DNAH1: variants seen among roughly 807,000 people sequenced by gnomAD.
DNAH1 encodes the protein axonemal beta dynein heavy chain 1.
A neutral mutation model predicts 484.3 loss-of-function variants in DNAH1; 327 were observed. The observed-to-expected ratio is 0.68, with a 90% CI of 0.62 to 0.74. DNAH1 has a LOEUF of 0.74. Among genes scored for constraint, DNAH1 ranks in the 30% least tolerant of loss-of-function variants. The pLI is 0.00. For synonymous variants in DNAH1, 2,192 were observed against 2,191.9 expected (o/e 1.00, Z 0.00); for missense variants, 5,052 against 5,546.8 (o/e 0.91, Z 2.83).
Position 52,386,259 on chromosome 3 carries a change from GC to G in DNAH1, c.8728del (p.Gln2910ArgfsTer26), listed in dbSNP as rs1441061586. Reference sequence around the variant, plus strand: ...GAAGGCACAAGCTATTGCTGACGATGCCCAGAAGGACCTGGACGAGGCGTTG... The same window carrying G: ...GAAGGCACAAGCTATTGCTGACGATGCCAGAAGGACCTGGACGAGGCGTTG... Reference protein sequence around the residue: ...AKKAQAIADDAQKDLDEALPA... With the variant: ...AKKAQAIADDXQKDLDEALPA... On this transcript the variant is annotated frameshift_variant, in exon 55 of 78. Transcript: ENST00000420323. LOFTEE classifies it high-confidence loss of function. 6.2e-7 allele frequency: 1 copy of G among 1,612,572 alleles called. No homozygotes were observed. The highest frequency in any genetic ancestry group is 2.2e-5 in the East Asian group (1 of 44,832).
In DNAH1 at chr3:52,394,518, T is replaced by G; in HGVS notation, c.10680T>G (p.Asn3560Lys). ...GCTCCATCTCGATCATGACTGAGAATCCGGCACCGGACTGGCTGTCAGACC... is the reference window on the plus strand; with the variant it reads ...GCTCCATCTCGATCATGACTGAGAAGCCGGCACCGGACTGGCTGTCAGACC... ...SGGSISIMTE[N>K]PAPDWLSDRA... Residue 3560 changes from asparagine to lysine, a missense_variant, in exon 67 of 78, where the codon AAT (asparagine) becomes AAG (lysine). Asn to Lys is a moderately conservative substitution (Grantham distance 94, BLOSUM62 0). Coordinates refer to ENST00000420323, the MANE Select transcript of DNAH1 (RefSeq NM_015512.5). 6.2e-7 allele frequency: 1 copy of G among 1,613,992 alleles called. No individual in the cohort carries two copies. The highest frequency in any genetic ancestry group is 8.5e-7 in the Non-Finnish European group (1 of 1,179,866).
At chr3:52,365,110 C>A in intron 34 of DNAH1, 91 bp downstream of exon 34, 1 of 1,484,404 alleles carries the variant, frequency 6.7e-7, no homozygotes, top group East Asian at 2.3e-5. Flanking sequence ...CAGTCCAACC[C>A]CAGGGGCCCT....
Position 52,395,254 on chromosome 3 carries a change from C to T in DNAH1, c.10969-54C>T. The T allele has an allele frequency of 1.3e-6, 2 of 1,584,732 alleles. No individual in the cohort carries two copies. Among genetic ancestry groups the T allele is most frequent in the South Asian group, 1.1e-5 (1 of 87,198 alleles). On this transcript the variant is annotated intron_variant, in intron 68 of 77. Transcript: ENST00000420323. This position sits in a 1 kb window ranked among gnomAD's most constrained non-coding sequence, Gnocchi z 4.4. ...GAGAACCCCAGATCCCCCTCCCTTG[C>T]CCCGATCTCTCTGCAGCCCCAGGTG...
In DNAH1 at chr3:52,400,432, G is replaced by T; in HGVS notation, c.12784G>T (p.Ala4262Ser). ...WIKRGVALIC[A>S]LDY ...AAAGCGTGGTGTGGCCCTCATCTGT[G>T]CCCTGGACTACTAGACTCAGACAGA... is the stretch of plus-strand genomic sequence containing the variant. Residue 4262 changes from alanine (A) to serine (S), a missense_variant, in exon 78 of 78, where the codon GCC becomes TCC. Ala to Ser is a moderately conservative substitution (Grantham distance 99, BLOSUM62 1). Transcript: ENST00000420323. The T allele has an allele frequency of 6.2e-7, 1 of 1,613,996 alleles. No individual in the cohort carries two copies. Among genetic ancestry groups the T allele is most frequent in the Non-Finnish European group, 8.5e-7 (1 of 1,179,870 alleles).
rs369311357 is a variant in DNAH1 at position 52,359,299 on chromosome 3, G to A, written c.4320G>A (p.Gly1440=). ...GGCCTGGCCAGGTGACCATCGCTGG[G>A]TGCCAGACCTACTGGACCATGGAGG... ...LNWPGQVTIA[G]CQTYWTMEVA... Residue 1440 remains glycine, a synonymous_variant, in exon 26 of 78, where the codon GGG becomes GGA. Transcript: ENST00000420323. 2.5e-6 allele frequency: 4 copies of A among 1,569,542 alleles called. No homozygotes were observed. In the Admixed American group the frequency reaches 5.5e-5, roughly 22 times the overall value.
In DNAH1 at chr3:52,360,011, C is replaced by T. The variant is rs770425135; in HGVS notation, c.4503C>T (p.Asp1501=). 8 of 1,613,836 alleles carry T rather than the reference C, an allele frequency of 5.0e-6. No individual in the cohort carries two copies. The highest frequency in any genetic ancestry group is 1.7e-5 in the Admixed American group (1 of 60,014). The part of the protein sequence containing the change: ...ALIVIEVHAK[D]VVSKLIQENV... ...TCGTCATTGAGGTCCATGCCAAGGACGTGGTGAGCAAGCTAATCCAGGAGA... is the reference window on the plus strand; with the variant it reads ...TCGTCATTGAGGTCCATGCCAAGGATGTGGTGAGCAAGCTAATCCAGGAGA... Residue 1501 remains aspartate, a synonymous_variant, in exon 27 of 78, where the codon GAC becomes GAT. Transcript: ENST00000420323.
At position 52,399,168 on chromosome 3, in the gene DNAH1, C is replaced by T; in HGVS notation, c.12408C>T (p.Val4136=). The T allele has an allele frequency of 6.2e-7, 1 of 1,612,990 alleles. No individual in the cohort carries two copies. The highest frequency in any genetic ancestry group is 1.3e-5 in the African/African-American group (1 of 75,046). The change falls in exon 76 of 78, where the codon GTC becomes GTT. Residue 4136 remains valine, a synonymous_variant. Transcript: ENST00000420323. Reference sequence around the variant, plus strand: ...TGCAGAATTTTGCCCGCAAATTTGTCATCTCCATTGACACCATCTCCTTTG... The same window carrying T: ...TGCAGAATTTTGCCCGCAAATTTGTTATCTCCATTGACACCATCTCCTTTG... ...GTLQNFARKF[V]ISIDTISFDF... is the part of the protein sequence containing the mutation.
At position 52,349,178 on chromosome 3, in the gene DNAH1, G is replaced by A. The variant is rs1204966796; in HGVS notation, c.2301-17G>A. On this transcript the variant is annotated splice_polypyrimidine_tract_variant and intron_variant, in intron 13 of 77. Coordinates refer to ENST00000420323, the MANE Select transcript of DNAH1 (RefSeq NM_015512.5). Reference sequence around the variant, plus strand: ...CTCACCATCCTCTGCCCCCTCCCGTGTGCTTGCTGTCCTCAGAACCTACCA... The same window carrying A: ...CTCACCATCCTCTGCCCCCTCCCGTATGCTTGCTGTCCTCAGAACCTACCA... 1 of 1,612,574 alleles carries A rather than the reference G, an allele frequency of 6.2e-7. No homozygotes were observed. Among genetic ancestry groups the A allele is most frequent in the Admixed American group, 1.7e-5 (1 of 59,792 alleles).
Position 52,361,038 on chromosome 3 carries a change from G to A in DNAH1, c.4686-126G>A, listed in dbSNP as rs1702834526. ...GCTCCAGTCCTGACCCCGGAGCCAG[G>A]GCTGGGCACACCCCAGCCCACCAAA... On this transcript the variant is annotated intron_variant, in intron 28 of 77. Transcript: ENST00000420323. The surrounding 1 kb of genome is among the most constrained non-coding windows in gnomAD (Gnocchi z 5.6). 2 of 938,226 alleles carry A rather than the reference G, an allele frequency of 2.1e-6. No homozygotes were observed. Among genetic ancestry groups the A allele is most frequent in the South Asian group, 6.5e-5 (2 of 30,916 alleles). The allele number at this position is 938,226 out of a possible 1,614,324, so 58.1% of individuals were successfully genotyped here.
chr3:52,332,389 C>A lies in DNAH1; in HGVS notation c.1281C>A (p.Gly427=), dbSNP rs1354778057. The A allele has an allele frequency of 6.2e-7, 1 of 1,612,394 alleles. No homozygotes were observed. The highest frequency in any genetic ancestry group is 8.5e-7 in the Non-Finnish European group (1 of 1,179,474). Residue 427 remains glycine (G), a synonymous_variant, in exon 8 of 78, where the codon GGC becomes GGA. Transcript: ENST00000420323. ...TGAGCACGCCTCGGATGCGCAAAGGCCCCTCGTGAGTCCCCGCTCGGCCTT... is the reference window on the plus strand; with the variant it reads ...TGAGCACGCCTCGGATGCGCAAAGGACCCTCGTGAGTCCCCGCTCGGCCTT... ...WALSTPRMRK[G]PSVLEHLSSL...
At chr3:52,372,495 T>C in intron 43 of DNAH1, 108 bp downstream of exon 43, 2 of 1,455,110 alleles carry the variant, frequency 1.4e-6, no homozygotes, top group Non-Finnish European at 1.8e-6. Flanking sequence ...GCCAGGAACC[T>C]CCCAGGGGGA....
chr3:52,378,911 C>T, intron 47 of DNAH1, 131 bp downstream of exon 47: 1 of 1,172,372 alleles, frequency 8.5e-7, no homozygotes, highest in Non-Finnish European at 1.2e-6. Context: ...GGTGCCAGGC[C>T]CTCCAGAGCC....
chr3:52,364,873 C>CCAAGTTCCTG lies in DNAH1; in HGVS notation c.5375_5384dup (p.Glu1796ValfsTer32). ...CGGGCCATCCGTGATGTGAACGTGC[C>CCAAGTTCCTG]CAAGTTCCTGCAGGAGGACCTCAAG... On this transcript the variant is annotated frameshift_variant, in exon 34 of 78. Transcript: ENST00000420323. LOFTEE classifies it high-confidence loss of function. The surrounding 1 kb of genome is among the most constrained non-coding windows in gnomAD (Gnocchi z 4.2). 1 of 1,613,958 alleles carries CCAAGTTCCTG rather than the reference C, an allele frequency of 6.2e-7. No homozygotes were observed. Among genetic ancestry groups the CCAAGTTCCTG allele is most frequent in the Non-Finnish European group, 8.5e-7 (1 of 1,179,866 alleles).
intron 52 of DNAH1, 100 bp from the exon 53 acceptor site, chr3:52,384,686 T>C (rs917170003): frequency 6.8e-5 from 84 of 1,241,628 alleles, no homozygotes; most frequent in Non-Finnish European, 9.0e-5. Context: ...GTTCCTGCTG[T>C]GGCCCCCTCC....
At position 52,359,928 on chromosome 3, in the gene DNAH1, G is replaced by A. The variant is rs761341001; in HGVS notation, c.4420G>A (p.Val1474Met). The A allele has an allele frequency of 6.8e-6, 11 of 1,613,794 alleles. No individual in the cohort carries two copies. Among genetic ancestry groups the A allele is most frequent in the Non-Finnish European group, 9.3e-6 (11 of 1,179,872 alleles). Residue 1474 changes from valine (V) to methionine (M), a missense_variant, in exon 27 of 78, where the codon GTG becomes ATG. Coordinates refer to ENST00000420323, the MANE Select transcript of DNAH1 (RefSeq NM_015512.5). ...PQLCQQLSDL[V>M]ALVRGKLSRM... ...CCCATTTCTGCAGCTCAGTGATCTGGTGGCCCTTGTGCGGGGGAAGCTGTC... is the reference window on the plus strand; with the variant it reads ...CCCATTTCTGCAGCTCAGTGATCTGATGGCCCTTGTGCGGGGGAAGCTGTC...
chr3:52,338,135 G>A (rs979727565), intron 8 of DNAH1, among the ~76,000 whole-genome samples: 6 of 152,168 alleles, frequency 3.9e-5, no homozygotes, highest in Non-Finnish European at 8.8e-5. Flanking sequence ...TCGAGATGGA[G>A]TCTTGTTTTG....
intron 9 of DNAH1, 66 bp from the exon 10 acceptor site, chr3:52,345,429 A>T: frequency 7.3e-7 from 1 of 1,372,816 alleles, no homozygotes; most frequent in Non-Finnish European, 1.0e-6. Context: ...CACCCTGTGG[A>T]TCTGTCCTGT....
Position 52,360,417 on chromosome 3 carries a change from A to G in DNAH1, c.4678A>G (p.Thr1560Ala). The G allele has an allele frequency of 6.2e-7, 1 of 1,613,248 alleles. No homozygotes were observed. The highest frequency in any genetic ancestry group is 8.5e-7 in the Non-Finnish European group (1 of 1,179,394). The change falls in exon 28 of 78, where the codon ACC becomes GCC. Residue 1560 changes from threonine to alanine, a missense_variant. This residue lies in a region of DNAH1 where 2,929 missense variants were observed against 3,409.4 expected (regional missense o/e 0.86). Transcript: ENST00000420323. ...TGGGAGGCTGGTGATCACGCCCCTCACCGACAGGTAAGCGTTCCCCTCTTG... is the reference window on the plus strand; with the variant it reads ...TGGGAGGCTGGTGATCACGCCCCTCGCCGACAGGTAAGCGTTCCCCTCTTG... The part of the protein sequence containing the change: ...NSGRLVITPL[T>A]DRCYLTLTGA...
Position 52,353,789 on chromosome 3 carries a change from G to T in DNAH1, c.3480+156G>T. 3 of 967,304 alleles carry T rather than the reference G, an allele frequency of 3.1e-6. No homozygotes were observed. Among genetic ancestry groups the T allele is most frequent in the Non-Finnish European group, 4.5e-6 (3 of 666,296 alleles). 59.9% of individuals were successfully genotyped at this position (967,304 alleles called of 1,614,324 possible). A position where few individuals can be genotyped will look rare whatever the true frequency, so the allele number is the denominator to read the frequency against. ...GGGGTTGAGATGCATTCTATTAAGT[G>T]AGTTAATAATGCACATAAAATTCTT... On this transcript the variant is annotated intron_variant, in intron 20 of 77. Coordinates refer to ENST00000420323, the MANE Select transcript of DNAH1 (RefSeq NM_015512.5). This position sits in a 1 kb window ranked among gnomAD's most constrained non-coding sequence, Gnocchi z 5.0.
Sources: allele counts gnomAD v4.1 joint callset (sites outside exome capture counted in the v4.1 genomes callset), GRCh38; gene constraint gnomAD v4.1.1; regional missense constraint gnomAD v4.1.1; non-coding constraint Gnocchi (gnomAD v3.1); transcripts MANE v1.5; gene names NCBI Gene and HGNC (gene_info 2026-07-23, HGNC 2026-07-21).